Variants in TSHZ3 observed in about 807,000 individuals in gnomAD.
The protein encoded by TSHZ3 is teashirt zinc finger homeobox 3.
A neutral mutation model predicts 64.5 loss-of-function variants in TSHZ3; 10 were observed. The ratio of observed to expected loss-of-function variants is 0.16; its 90% CI spans 0.10 to 0.26. The LOEUF (loss-of-function observed/expected upper bound fraction) is 0.26. Among genes scored for constraint, TSHZ3 ranks in the 10% least tolerant of loss-of-function variants. TSHZ3 has a pLI of 1.00. For synonymous variants in TSHZ3, 608 were observed against 593.1 expected (o/e 1.03, Z -0.36); for missense variants, 1,242 against 1,421.7 (o/e 0.87, Z 2.03).
intron 1 of TSHZ3, among the ~76,000 whole-genome samples, chr19:31,348,332 C>T (rs1337498659): frequency 6.6e-6 from 1 of 152,098 alleles, no homozygotes; most frequent in Non-Finnish European, 1.5e-5. Flanking sequence ...AGGCAACATG[C>T]CCCCAACCGA....
chr19:31,327,859 T>C (rs892602087), intron 1 of TSHZ3, among the ~76,000 whole-genome samples: 1 of 152,172 alleles, frequency 6.6e-6, no homozygotes, highest in African/African-American at 2.4e-5. Context: ...GAAAATGAAC[T>C]ACGATATTCT....
At chr19:31,294,531 T>C (rs1377422619) in intron 1 of TSHZ3, among the ~76,000 whole-genome samples, 1 of 152,194 alleles carries the variant, frequency 6.6e-6, no homozygotes, top group Admixed American at 6.5e-5. Context: ...GAACACTGTT[T>C]GGATGGACAG....
At chr19:31,240,521 G>A (rs1568356889) in intron 3 of TSHZ3, among the ~76,000 whole-genome samples, 3 of 152,004 alleles carry the variant, frequency 2.0e-5, no homozygotes, top group Non-Finnish European at 4.4e-5. Context: ...TGCAGTCTAT[G>A]GAAAACTCCA....
intron 4 of TSHZ3, among the ~76,000 whole-genome samples, chr19:31,208,569 C>G (rs543812467): frequency 6.6e-6 from 1 of 152,322 alleles, no homozygotes; most frequent in South Asian, 2.1e-4. Context: ...TTCTCCTTCT[C>G]CTGTAGAGTG....
chr19:31,269,731 T>C (rs2145204953), intron 1 of TSHZ3, among the ~76,000 whole-genome samples: 1 of 152,324 alleles, frequency 6.6e-6, no homozygotes, highest in Middle Eastern at 3.4e-3. Context: ...ATGCAGTAAT[T>C]TAAAAACTTA....
intron 5 of TSHZ3, among the ~76,000 whole-genome samples, chr19:31,175,293 A>AT (rs1469924981): frequency 7.2e-5 from 11 of 152,216 alleles, no homozygotes; most frequent in African/African-American, 2.4e-4. Flanking sequence ...TTAATGAAAA[A>AT]AAATAAAATG....
At chr19:31,259,428 C>G (rs1388350917) in intron 1 of TSHZ3, among the ~76,000 whole-genome samples, 1 of 152,162 alleles carries the variant, frequency 6.6e-6, no homozygotes, top group Non-Finnish European at 1.5e-5. Context: ...CCATAACAGT[C>G]TTCAGCCCAC....
chr19:31,155,017 A>G lies in TSHZ3; in HGVS notation n.871+1339T>C, dbSNP rs541098839. Among the ~76,000 whole-genome samples, 7 of 152,332 alleles carry G rather than the reference A, an allele frequency of 4.6e-5. No individual in the cohort carries two copies. In the South Asian group the frequency reaches 1.5e-3, roughly 32 times the overall value. On this transcript the variant is annotated intron_variant and non_coding_transcript_variant, in intron 6 of 6. Coordinates refer to the TSHZ3 transcript ENST00000651361. ...CCTTGCCTCTGTTCTCCCACCTGGG[A>G]AGAGAAGTCCTGAAAGCATCTTTCA...
chr19:31,263,842 TAAATA>T (rs1233435573), intron 1 of TSHZ3, among the ~76,000 whole-genome samples: 1 of 152,152 alleles, frequency 6.6e-6, no homozygotes, highest in Non-Finnish European at 1.5e-5. Context: ...ATTAAATAAC[TAAATA>T]AAATAAAACG....
At chr19:31,251,678 G>C (rs1258346120) in intron 1 of TSHZ3, among the ~76,000 whole-genome samples, 2 of 152,198 alleles carry the variant, frequency 1.3e-5, no homozygotes, top group Non-Finnish European at 2.9e-5. Context: ...CACTTCTTTG[G>C]CCACCTAGAC....
chr19:31,184,393 A>G (rs1350532757), intron 5 of TSHZ3, among the ~76,000 whole-genome samples: 1 of 152,198 alleles, frequency 6.6e-6, no homozygotes, highest in Non-Finnish European at 1.5e-5. Context: ...TCCTTGTATT[A>G]AATGTGTGTG....
chr19:31,252,071 T>C (rs1035155373), intron 1 of TSHZ3, among the ~76,000 whole-genome samples: 4 of 152,320 alleles, frequency 2.6e-5, no homozygotes, highest in Admixed American at 2.0e-4. Context: ...GTTTCCAACC[T>C]TCTAAGTCTC....
chr19:31,311,433 A>C lies in TSHZ3; in HGVS notation c.41-31681T>G, dbSNP rs575777885. ...GCTGAGCTCTGGCCTGCCTCCTGTCACAGGACCTTCTTGGGGTGAGTCTCG... is the reference window on the plus strand; with the variant it reads ...GCTGAGCTCTGGCCTGCCTCCTGTCCCAGGACCTTCTTGGGGTGAGTCTCG... On this transcript the variant is annotated intron_variant, in intron 1 of 1. Transcript: ENST00000240587. Among the ~76,000 whole-genome samples the C allele has an allele frequency of 7.2e-5, 11 of 152,312 alleles. 1 individual carries two copies. Among genetic ancestry groups the C allele is most frequent in the African/African-American group, 2.2e-4 (9 of 41,566 alleles).
chr19:31,222,299 C>T (rs1432489061), intron 4 of TSHZ3, among the ~76,000 whole-genome samples: 2 of 152,144 alleles, frequency 1.3e-5, no homozygotes, highest in African/African-American at 4.8e-5. Context: ...GAAACACATC[C>T]AGTATATATT....
chr19:31,349,416 C>G lies in TSHZ3; in HGVS notation c.-197G>C, dbSNP rs1293547250. The G allele has an allele frequency of 7.2e-6, 3 of 417,940 alleles. No homozygotes were observed. The highest frequency in any genetic ancestry group is 1.2e-5 in the Non-Finnish European group (3 of 246,066). 25.9% of individuals were successfully genotyped at this position (417,940 alleles called of 1,614,324 possible). Reference sequence around the variant, plus strand: ...CCGCGCCGCGCTCCGCCGCGAACCCCGAACGTGCGGAGGGAAGAAGGAGGG... The same window carrying G: ...CCGCGCCGCGCTCCGCCGCGAACCCGGAACGTGCGGAGGGAAGAAGGAGGG... On this transcript the variant is annotated 5_prime_UTR_variant, in exon 1 of 2. Transcript: ENST00000240587.
intron 5 of TSHZ3, chr19:31,167,388 C>T (rs551100775): frequency 6.6e-6 from 1 of 152,246 alleles, no homozygotes; most frequent in African/African-American, 2.4e-5. Flanking sequence ...ATTCAAGCCC[C>T]CTCACTTTAA....
intron 5 of TSHZ3, among the ~76,000 whole-genome samples, chr19:31,193,038 C>T (rs544353136): frequency 1.1e-4 from 17 of 152,264 alleles, no homozygotes; most frequent in Admixed American, 5.2e-4. Flanking sequence ...AGCCCATCTG[C>T]GACCCTGGTT....
intron 1 of TSHZ3, among the ~76,000 whole-genome samples, chr19:31,331,544 C>T (rs1917094027): frequency 6.6e-6 from 1 of 152,148 alleles, no homozygotes; most frequent in Non-Finnish European, 1.5e-5. Context: ...GCAGCTCGAC[C>T]CTGCTTGCAG....
chr19:31,272,945 G>A (rs1976164369), downstream of TSHZ3, among the ~76,000 whole-genome samples: 1 of 152,136 alleles, frequency 6.6e-6, no homozygotes, highest in Non-Finnish European at 1.5e-5. Context: ...GGCGACCAAT[G>A]CCTTCCTCCA....
Sources: allele counts gnomAD v4.1 joint callset (sites outside exome capture counted in the v4.1 genomes callset), GRCh38; gene constraint gnomAD v4.1.1; transcripts MANE v1.5; gene names NCBI Gene and HGNC (gene_info 2026-07-23, HGNC 2026-07-21).